SGCZ: variants seen among roughly 807,000 people sequenced by gnomAD.
The protein encoded by SGCZ is zeta-sarcoglycan.
In SGCZ, 40 loss-of-function variants were observed where a neutral mutation model predicts 41.3. The ratio of observed to expected loss-of-function variants is 0.97; its 90% CI spans 0.75 to 1.26. SGCZ has a LOEUF of 1.26. Ranked by LOEUF, SGCZ falls within the 50% of genes most tolerant of loss-of-function variation. The pLI is 0.00. For missense variants in SGCZ, 552 were observed against 369.8 expected (o/e 1.49, Z -4.04); for synonymous variants, 206 against 137.5 (o/e 1.50, Z -3.49).
intron 2 of SGCZ, among the ~76,000 whole-genome samples, chr8:14,363,205 T>A (rs951281061): frequency 6.6e-6 from 1 of 152,184 alleles, no homozygotes; most frequent in Non-Finnish European, 1.5e-5. Flanking sequence ...ACAGGTCCTA[T>A]AATGACACTT....
At chr8:14,855,005 T>C (rs2130664361) in intron 1 of SGCZ, among the ~76,000 whole-genome samples, 1 of 151,364 alleles carries the variant, frequency 6.6e-6, no homozygotes, top group South Asian at 2.1e-4. Flanking sequence ...CCCACCTCCC[T>C]CAAGATCTAA....
chr8:14,231,487 G>A (rs544682310), intron 4 of SGCZ, among the ~76,000 whole-genome samples: 3 of 152,010 alleles, frequency 2.0e-5, no homozygotes, highest in South Asian at 4.2e-4. Context: ...GCAAACACAG[G>A]TCCAATTATG....
intron 1 of SGCZ, among the ~76,000 whole-genome samples, chr8:14,686,902 A>G (rs933801975): frequency 3.9e-5 from 6 of 152,134 alleles, no homozygotes; most frequent in Middle Eastern, 6.8e-3. Context: ...ACCATCATTA[A>G]CATTTTCAAA....
intron 1 of SGCZ, among the ~76,000 whole-genome samples, chr8:14,682,524 TC>T (rs1563200123): frequency 6.7e-6 from 1 of 150,300 alleles, no homozygotes; most frequent in African/African-American, 2.4e-5. Flanking sequence ...AATCTCCGCC[TC>T]CCGGGTTCAC....
intron 2 of SGCZ, among the ~76,000 whole-genome samples, chr8:14,419,844 C>G (rs1039729001): frequency 5.3e-5 from 8 of 151,984 alleles, no homozygotes; most frequent in African/African-American, 1.9e-4. Flanking sequence ...ACTGAATTTG[C>G]TGACTTGAAA....
intron 3 of SGCZ, among the ~76,000 whole-genome samples, chr8:14,307,555 C>A (rs1398876099): frequency 6.6e-6 from 1 of 152,052 alleles, no homozygotes; most frequent in Non-Finnish European, 1.5e-5. Flanking sequence ...GGGTCTGTAA[C>A]TGAGGGACAG....
chr8:15,017,971 T>A (rs1488418964), intron 1 of SGCZ, among the ~76,000 whole-genome samples: 1 of 152,034 alleles, frequency 6.6e-6, no homozygotes, highest in Non-Finnish European at 1.5e-5. Context: ...CCAAAGTGAT[T>A]CTCCTATCTC....
In SGCZ at chr8:15,203,058, T is replaced by G. The variant is rs147410963; in HGVS notation, c.39+34527A>C. On this transcript the variant is annotated intron_variant, in intron 1 of 7. Transcript: ENST00000382080. ...CTGGGAGGTGGAAGTTGAAGTGAGTTGAGACCATGTCATGGCACTCAACCC... is the reference window on the plus strand; with the variant it reads ...CTGGGAGGTGGAAGTTGAAGTGAGTGGAGACCATGTCATGGCACTCAACCC... Among the ~76,000 whole-genome samples the G allele has an allele frequency of 6.2e-3, 943 of 151,898 alleles. 10 individuals are homozygous for G. Among genetic ancestry groups the G allele is most frequent in the African/African-American group, 0.022 (905 of 41,402 alleles).
At chr8:14,763,542 C>T (rs924327364) in intron 1 of SGCZ, among the ~76,000 whole-genome samples, 5 of 152,050 alleles carry the variant, frequency 3.3e-5, no homozygotes, top group Non-Finnish European at 4.4e-5. Context: ...ACTTTATTAT[C>T]GAAAGTGTCT....
chr8:14,300,457 A>C (rs2116970029), intron 3 of SGCZ, among the ~76,000 whole-genome samples: 1 of 152,096 alleles, frequency 6.6e-6, no homozygotes, highest in African/African-American at 2.4e-5. Flanking sequence ...AATACAGTAT[A>C]GTTCATATTC....
chr8:14,260,865 C>A (rs1035953875), intron 3 of SGCZ, among the ~76,000 whole-genome samples: 5 of 152,072 alleles, frequency 3.3e-5, no homozygotes, highest in African/African-American at 1.2e-4. Context: ...CCAAACACCG[C>A]ATATTCTCAC....
At chr8:14,622,535 A>C (rs531300173) in intron 1 of SGCZ, among the ~76,000 whole-genome samples, 1 of 150,880 alleles carries the variant, frequency 6.6e-6, no homozygotes, top group South Asian at 2.1e-4. Flanking sequence ...TGTCACCTGA[A>C]AGAGTGTTGC....
intron 1 of SGCZ, among the ~76,000 whole-genome samples, chr8:15,139,288 A>C (rs1585604030): frequency 6.6e-6 from 1 of 152,222 alleles, no homozygotes; most frequent in East Asian, 1.9e-4. Flanking sequence ...GCTTATAAAC[A>C]ACATGTATCA....
intron 2 of SGCZ, among the ~76,000 whole-genome samples, chr8:14,482,506 C>T (rs1801562053): frequency 6.6e-6 from 1 of 152,254 alleles, no homozygotes; most frequent in African/African-American, 2.4e-5. Context: ...TATCTGTTAA[C>T]AAGTATAACA....
chr8:14,368,195 T>C (rs1238550716), intron 2 of SGCZ, among the ~76,000 whole-genome samples: 2 of 152,076 alleles, frequency 1.3e-5, no homozygotes, highest in East Asian at 3.9e-4. Context: ...ATGACATATA[T>C]TGTCTTCAAG....
intron 5 of SGCZ, among the ~76,000 whole-genome samples, chr8:14,130,965 C>A (rs762966476): frequency 3.3e-5 from 5 of 152,124 alleles, no homozygotes; most frequent in African/African-American, 1.2e-4. Flanking sequence ...CTAGTCCAGC[C>A]AATCCTTTGT....
Position 15,038,832 on chromosome 8 carries a change from A to AAAAAAAAG in SGCZ, c.39+198745_39+198752dup, listed in dbSNP as rs1554544784. Among the ~76,000 whole-genome samples the AAAAAAAAG allele has an allele frequency of 3.7e-3, 523 of 140,026 alleles. 1 individual carries two copies. Among genetic ancestry groups the AAAAAAAAG allele is most frequent in the Middle Eastern group, 7.4e-3 (2 of 272 alleles). The allele number at this position is 140,026 out of a possible 152,430, so 91.9% of individuals were successfully genotyped here. ...CATTTCTCAAAAAAAAAAAAAAAAA[A>AAAAAAAAG]AAAAAAAGAAAGAAAGAAAGAAAAC... On this transcript the variant is annotated intron_variant, in intron 1 of 7. Transcript: ENST00000382080.
At chr8:14,877,304 TA>T (rs1420916840) in intron 1 of SGCZ, among the ~76,000 whole-genome samples, 3 of 152,178 alleles carry the variant, frequency 2.0e-5, no homozygotes. Flanking sequence ...TCTCTTTGTT[TA>T]GGCTAAAGTC....
chr8:14,828,926 A>T (rs996537387), intron 1 of SGCZ, among the ~76,000 whole-genome samples: 3 of 151,878 alleles, frequency 2.0e-5, no homozygotes, highest in African/African-American at 4.8e-5. Flanking sequence ...ATCCATCTTA[A>T]CAGTCCTGAT....
Sources: allele counts gnomAD v4.1 joint callset (sites outside exome capture counted in the v4.1 genomes callset), GRCh38; gene constraint gnomAD v4.1.1; transcripts MANE v1.5; gene names NCBI Gene and HGNC (gene_info 2026-07-23, HGNC 2026-07-21).